EXD1: variants seen among roughly 807,000 people sequenced by gnomAD.
EXD1 encodes piRNA biogenesis protein EXD1.
A neutral mutation model predicts 49.1 loss-of-function variants in EXD1; 63 were observed. That is an observed-to-expected ratio of 1.28 (90% CI 1.05 to 1.58). The LOEUF (loss-of-function observed/expected upper bound fraction) is 1.58. Among genes scored for constraint, EXD1 ranks in the 40% most tolerant of loss-of-function variants. The pLI is 0.00. For synonymous variants in EXD1, 234 were observed against 239.2 expected (o/e 0.98, Z 0.20); for missense variants, 748 against 666.0 (o/e 1.12, Z -1.36).
intron 3 of EXD1, among the ~76,000 whole-genome samples, chr15:41,219,303 G>A (rs2047051625): frequency 6.6e-6 from 1 of 152,068 alleles, no homozygotes; most frequent in Admixed American, 6.6e-5. Context: ...AACTCTTGGT[G>A]GCAAAACTTG....
chr15:41,217,155 C>T lies in EXD1; in HGVS notation c.203-1G>A, dbSNP rs201612522. On this transcript the variant is annotated splice_acceptor_variant, in intron 3 of 11. Transcript: ENST00000458580. LOFTEE classifies it high-confidence loss of function. ...TGTTCCACTTCATCTAGTAGTTCCA[C>T]TGTAAAATAACCAAATGGCTTCCAA... The T allele has an allele frequency of 3.5e-5, 57 of 1,611,802 alleles. No individual in the cohort carries two copies. Among genetic ancestry groups the T allele is most frequent in the Non-Finnish European group, 2.5e-6 (3 of 1,179,768 alleles).
chr15:41,227,646 C>G (rs377517020), intron 1 of EXD1, among the ~76,000 whole-genome samples: 1 of 148,548 alleles, frequency 6.7e-6, no homozygotes, highest in Admixed American at 6.7e-5. Flanking sequence ...CCACTGTACT[C>G]CAGCCTGTGC....
At chr15:41,206,473 CG>C (rs1261037968) in intron 7 of EXD1, among the ~76,000 whole-genome samples, 40 of 82,432 alleles carry the variant, frequency 4.9e-4, no homozygotes, top group African/African-American at 2.1e-3. Context: ...GACCCTGTCT[CG>C]AAAAAAAAAA....
chr15:41,185,143 T>C lies in EXD1; in HGVS notation c.1057-550A>G, dbSNP rs150719820. 1.3e-3 allele frequency among the ~76,000 whole-genome samples: 193 copies of C among 152,324 alleles called. 1 individual carries two copies. The highest frequency in any genetic ancestry group is 3.4e-3 in the Middle Eastern group (1 of 294). ...TGTATGCACGTATGTATAAAGACTA[T>C]ACAGGAAAAGTTAGTCTCCCTTCCA... On this transcript the variant is annotated intron_variant, in intron 11 of 11. Coordinates refer to ENST00000458580, the MANE Select transcript of EXD1 (RefSeq NM_001286441.2).
rs1017302346 is a variant in EXD1 at position 41,199,846 on chromosome 15, A to G, written c.535-3809T>C. ...ATATATGTCAATATATGATATATAT[A>G]ATATGTCATATATATGATCTGTATA... is the stretch of plus-strand genomic sequence containing the variant. On this transcript the variant is annotated intron_variant, in intron 7 of 11. Coordinates refer to ENST00000458580, the MANE Select transcript of EXD1 (RefSeq NM_001286441.2). Among the ~76,000 whole-genome samples, 35 of 143,734 alleles carry G rather than the reference A, an allele frequency of 2.4e-4. No homozygotes were observed. In the South Asian group the frequency reaches 6.4e-3, roughly 26 times the overall value. 94.3% of individuals were successfully genotyped at this position (143,734 alleles called of 152,430 possible).
chr15:41,197,862 G>A (rs1001142215), intron 7 of EXD1, among the ~76,000 whole-genome samples: 2 of 151,816 alleles, frequency 1.3e-5, no homozygotes, highest in Non-Finnish European at 2.9e-5. Flanking sequence ...CTGACCTCAG[G>A]TGATCCACCC....
intron 11 of EXD1, among the ~76,000 whole-genome samples, chr15:41,185,690 T>C (rs1259502951): frequency 6.6e-6 from 1 of 152,010 alleles, no homozygotes; most frequent in Non-Finnish European, 1.5e-5. Flanking sequence ...CTGGCTAATA[T>C]TTAATTTTTT....
intron 6 of EXD1, 97 bp from the exon 7 acceptor site, chr15:41,209,684 A>G: frequency 9.9e-7 from 1 of 1,010,876 alleles, no homozygotes; most frequent in South Asian, 1.4e-5. Flanking sequence ...GCAGTAAACA[A>G]AGTGCATCAT....
intron 3 of EXD1, among the ~76,000 whole-genome samples, chr15:41,218,222 C>T (rs1399394847): frequency 1.1e-4 from 16 of 152,080 alleles, no homozygotes; most frequent in African/African-American, 2.9e-4. Flanking sequence ...CAGTGGCTCA[C>T]GCCTGTAATC....
intron 2 of EXD1, among the ~76,000 whole-genome samples, chr15:41,222,959 AT>A (rs1491428880): frequency 1.5e-5 from 2 of 129,194 alleles, no homozygotes; most frequent in African/African-American, 3.1e-5. Flanking sequence ...AAAAAAAAAA[AT>A]TTTTTTTAGA....
intron 9 of EXD1, among the ~76,000 whole-genome samples, chr15:41,194,286 C>T (rs1284594389): frequency 6.6e-6 from 1 of 152,080 alleles, no homozygotes; most frequent in Non-Finnish European, 1.5e-5. Flanking sequence ...GTTGGGATTA[C>T]AGGTGTGAGC....
chr15:41,209,717 G>C, intron 6 of EXD1, 130 bp from the exon 7 acceptor site: 1 of 734,612 alleles, frequency 1.4e-6, no homozygotes, highest in Non-Finnish European at 2.3e-6. Flanking sequence ...TACAAAATTT[G>C]ATTAATCCAA....
chr15:41,183,069 C>T lies in EXD1; in HGVS notation c.*862G>A, dbSNP rs2046346953. 1 of 152,236 alleles carries T rather than the reference C, an allele frequency of 6.6e-6. No individual in the cohort carries two copies. Among genetic ancestry groups the T allele is most frequent in the Non-Finnish European group, 1.5e-5 (1 of 68,070 alleles). The allele number at this position is 152,236 out of a possible 1,614,324, so 9.4% of individuals were successfully genotyped here. On this transcript the variant is annotated 3_prime_UTR_variant, in exon 12 of 12. Coordinates refer to ENST00000458580, the MANE Select transcript of EXD1 (RefSeq NM_001286441.2). ...TTGGAAGCCAAAGGCAGGTGGACCA[C>T]AAGGTCAGTCAGGAGTTCGAGACCA...
rs2046890774 is a variant in EXD1, at chr15:41,209,580, T to G, written c.455A>C (p.His152Pro). The change falls in exon 7 of 12, where the codon CAT (histidine) becomes CCT (proline). Residue 152 changes from histidine to proline, a missense_variant. Coordinates refer to ENST00000458580, the MANE Select transcript of EXD1 (RefSeq NM_001286441.2). Reference sequence around the variant, plus strand: ...ACTCAGGACATTCTGCTTCTTGATATGGAGTATCTGGTAAGAAAAAGAAGG... The same window carrying G: ...ACTCAGGACATTCTGCTTCTTGATAGGGAGTATCTGGTAAGAAAAAGAAGG... ...FQQKFGAAIL[H>P]IKKQNVLSVA... 3.7e-6 allele frequency: 6 copies of G among 1,613,784 alleles called. No homozygotes were observed. Among genetic ancestry groups the G allele is most frequent in the Non-Finnish European group, 5.1e-6 (6 of 1,179,932 alleles).
intron 4 of EXD1, 114 bp from the exon 5 acceptor site, chr15:41,216,909 C>T (rs1182800978): frequency 2.6e-5 from 39 of 1,480,606 alleles, no homozygotes; most frequent in Non-Finnish European, 3.5e-5. Context: ...ACTAGAGGAC[C>T]CATTCATCCA....
intron 11 of EXD1, among the ~76,000 whole-genome samples, chr15:41,185,011 G>C (rs1173817364): frequency 6.6e-6 from 1 of 152,114 alleles, no homozygotes; most frequent in East Asian, 1.9e-4. Flanking sequence ...CTATTCAAAT[G>C]TGTTCATATA....
At chr15:41,199,588 TTG>T (rs1000770421) in intron 7 of EXD1, among the ~76,000 whole-genome samples, 3 of 129,474 alleles carry the variant, frequency 2.3e-5, no homozygotes, top group African/African-American at 1.0e-4. Flanking sequence ...TACATATAAT[TTG>T]TTTTATATAT....
At chr15:41,214,381 T>C (rs2046968677) in intron 6 of EXD1, among the ~76,000 whole-genome samples, 1 of 150,854 alleles carries the variant, frequency 6.6e-6, no homozygotes, top group Non-Finnish European at 1.5e-5. Context: ...GGCGTGGTGG[T>C]GCATGCCTGT....
intron 2 of EXD1, among the ~76,000 whole-genome samples, chr15:41,221,081 T>C (rs868353811): frequency 1.3e-5 from 2 of 152,266 alleles, no homozygotes; most frequent in Non-Finnish European, 2.9e-5. Flanking sequence ...AGCTACCATA[T>C]TGAGTACCCA....
Sources: gnomAD v4.1 joint callset for allele counts (sites outside exome capture counted in the v4.1 genomes callset) on GRCh38, gnomAD v4.1.1 for gene constraint, MANE v1.5 for transcripts, NCBI Gene and HGNC (gene_info 2026-07-23, HGNC 2026-07-21) for gene names.